The following MRS2 variants were observed in gnomAD, a reference collection of about 807,000 sequenced individuals.
The protein encoded by MRS2 is magnesium transporter MRS2 homolog, mitochondrial.
Under a neutral mutation model 52.6 loss-of-function variants are expected in MRS2, and 40 were observed. The observed-to-expected ratio is 0.76, with a 90% CI of 0.59 to 0.99. The LOEUF (loss-of-function observed/expected upper bound fraction) is 0.99, where lower values mean the gene tolerates loss of function less well. Among genes scored for constraint, MRS2 ranks in the 50% least tolerant of loss-of-function variants. The pLI is 0.00. For missense variants in MRS2, 472 were observed against 532.7 expected (o/e 0.89, Z 1.12); for synonymous variants, 193 against 195.9 (o/e 0.98, Z 0.13).
intron 6 of MRS2, among the ~76,000 whole-genome samples, 175 bp downstream of exon 6, chr6:24,415,338 T>C (rs1450485272): frequency 2.6e-5 from 4 of 152,218 alleles, no homozygotes; most frequent in Non-Finnish European, 4.4e-5. Flanking sequence ...TGAAATGTCA[T>C]GTAAGGCTCT....
chr6:24,415,830 G>A (rs1385374733), intron 6 of MRS2, among the ~76,000 whole-genome samples: 1 of 152,186 alleles, frequency 6.6e-6, no homozygotes, highest in Non-Finnish European at 1.5e-5. Context: ...ATTTAGATCT[G>A]GTTTGGGTTT....
chr6:24,422,194 TG>T (rs1296258982), intron 9 of MRS2, among the ~76,000 whole-genome samples: 12 of 152,172 alleles, frequency 7.9e-5, no homozygotes, highest in Non-Finnish European at 1.8e-4. Context: ...ATAAGTGACA[TG>T]CATTTCCATC....
intron 9 of MRS2, among the ~76,000 whole-genome samples, chr6:24,421,875 G>A (rs565115227): frequency 2.0e-5 from 3 of 152,264 alleles, no homozygotes; most frequent in East Asian, 1.9e-4. Context: ...AGGACTGGGG[G>A]TTGTGGTTCA....
At position 24,415,131 on chromosome 6, in the gene MRS2, C is replaced by A; in HGVS notation, c.687C>A (p.Ser229Arg). 6.2e-7 allele frequency: 1 copy of A among 1,604,724 alleles called. No individual in the cohort carries two copies. The highest frequency in any genetic ancestry group is 1.1e-5 in the South Asian group (1 of 89,904). The change falls in exon 6 of 11, where the codon AGC (serine) becomes AGA (arginine). Residue 229 changes from serine to arginine, a missense_variant. Coordinates refer to ENST00000378386, the MANE Select transcript of MRS2 (RefSeq NM_020662.4). ...CCAAACATTCTTCTGTAGACAGAAG[C>A]AAACTGCACATTTTACTACAGAATG... ...VDPKHSSVDR[S>R]KLHILLQNGK... is the part of the protein sequence containing the mutation.
chr6:24,418,893 T>C (rs186368571), intron 9 of MRS2: 2,347 of 183,804 alleles, frequency 0.013, 35 homozygotes, highest in Non-Finnish European at 0.02. Flanking sequence ...AGTGAGACTC[T>C]GTCTCCAAAA....
rs752776214 is a variant in MRS2 at position 24,405,127 on chromosome 6, C to A, written c.191-41C>A. ...TTGTATTTTAGCTCTATGTGAAAAC[C>A]AATCATGTGACCACAGGAATTCTCT... On this transcript the variant is annotated intron_variant, in intron 1 of 10. Transcript: ENST00000378386. The A allele has an allele frequency of 4.1e-6, 6 of 1,467,236 alleles. 1 individual carries two copies. In the African/African-American group the frequency reaches 5.6e-5, roughly 14 times the overall value. 90.9% of individuals were successfully genotyped at this position (1,467,236 alleles called of 1,614,324 possible). A position where few individuals can be genotyped will look rare whatever the true frequency, so the allele number is the denominator to read the frequency against.
Position 24,423,022 on chromosome 6 carries a change from G to A in MRS2, c.1193G>A (p.Arg398Gln), listed in dbSNP as rs150697747. The A allele has an allele frequency of 5.0e-6, 8 of 1,613,948 alleles. No homozygotes were observed. The highest frequency in any genetic ancestry group is 3.3e-4 in the Middle Eastern group (2 of 6,062). The change falls in exon 10 of 11, where the codon CGA (arginine) becomes CAA (glutamine). Residue 398 changes from arginine (R) to glutamine (Q), a missense_variant. Coordinates refer to ENST00000378386, the MANE Select transcript of MRS2 (RefSeq NM_020662.4). ...AGGCGCCTGCTTTCATTCCTTGGAC[G>A]ACAGCTAGAAGCTCCATTGCCTCCT... ...IWRRLLSFLGRQLEAPLPPMM... is the reference protein window; with the variant it reads ...IWRRLLSFLGQQLEAPLPPMM...
chr6:24,417,690 T>TC (rs199589729), intron 7 of MRS2, among the ~76,000 whole-genome samples: 3,703 of 152,272 alleles, frequency 0.024, 60 homozygotes, highest in Non-Finnish European at 0.038. Context: ...ATGCCTGTAA[T>TC]CCCAGCACTT....
intron 5 of MRS2, among the ~76,000 whole-genome samples, chr6:24,414,567 A>G (rs914018471): frequency 2.6e-5 from 4 of 152,152 alleles, no homozygotes; most frequent in Non-Finnish European, 5.9e-5. Flanking sequence ...CAGACACAGT[A>G]ACAATCTGAT....
At chr6:24,406,123 G>T (rs546366630) in intron 2 of MRS2, among the ~76,000 whole-genome samples, 7 of 148,222 alleles carry the variant, frequency 4.7e-5, no homozygotes, top group Non-Finnish European at 4.5e-5. Flanking sequence ...AAAAAAAAAG[G>T]TGTGCCTATT....
rs538600527 is a variant in MRS2, at chr6:24,417,706, A to G, written c.837-378A>G. On this transcript the variant is annotated intron_variant, in intron 7 of 10. Transcript: ENST00000378386. Reference sequence around the variant, plus strand: ...TGCCTGTAATCCCAGCACTTTGGGAAGCCGAGGCAGGCAGATCACAAGGTC... The same window carrying G: ...TGCCTGTAATCCCAGCACTTTGGGAGGCCGAGGCAGGCAGATCACAAGGTC... Among the ~76,000 whole-genome samples, 349 of 152,234 alleles carry G rather than the reference A, an allele frequency of 2.3e-3. 1 individual carries two copies. Among genetic ancestry groups the G allele is most frequent in the African/African-American group, 7.9e-3 (327 of 41,514 alleles).
chr6:24,408,499 A>G, intron 3 of MRS2, 55 bp downstream of exon 3: 2 of 1,177,960 alleles, frequency 1.7e-6, no homozygotes, highest in South Asian at 1.3e-5. Flanking sequence ...TGAATCTGAT[A>G]GAAATCAAGA....
chr6:24,418,709 G>T, intron 9 of MRS2, 131 bp downstream of exon 9: 11 of 661,612 alleles, frequency 1.7e-5, no homozygotes, highest in Non-Finnish European at 2.7e-6. Context: ...GACCAACCTG[G>T]CCAACATGGC....
In MRS2 at chr6:24,426,065, A is replaced by G. The variant is rs1049904335; in HGVS notation, c.*2371A>G. The stretch of plus-strand genomic sequence containing the variant: ...TCTCTTAGGTCTGTGATACAAAGGC[A>G]TAAAACAATTCCTATCTTGAAGCCT... On this transcript the variant is annotated 3_prime_UTR_variant, in exon 11 of 11. Transcript: ENST00000378386. 6.6e-6 allele frequency: 1 copy of G among 152,246 alleles called. No individual in the cohort carries two copies. The highest frequency in any genetic ancestry group is 1.5e-5 in the Non-Finnish European group (1 of 68,046). The allele number at this position is 152,246 out of a possible 1,614,324, so 9.4% of individuals were successfully genotyped here.
chr6:24,417,802 C>T (rs764532469), intron 7 of MRS2, among the ~76,000 whole-genome samples: 5 of 151,980 alleles, frequency 3.3e-5, no homozygotes, highest in South Asian at 2.1e-4. Context: ...ATTAGCTGGG[C>T]GTGGTGGCGG....
Position 24,412,202 on chromosome 6 carries a change from GGT to G in MRS2, c.415-19_415-18del. ...ATACACTCACATATTTATATGTTTT[GGT>G]TTTTTTTTTTTTAACAGTATTTGAA... is the stretch of plus-strand genomic sequence containing the variant. On this transcript the variant is annotated intron_variant, in intron 4 of 10. Transcript: ENST00000378386. The G allele has an allele frequency of 8.2e-7, 1 of 1,226,220 alleles. No homozygotes were observed. 76.0% of individuals were successfully genotyped at this position (1,226,220 alleles called of 1,614,324 possible). A position where few individuals can be genotyped will look rare whatever the true frequency, so the allele number is the denominator to read the frequency against.
In MRS2 at chr6:24,405,863, T is replaced by G. The variant is rs1032632171; in HGVS notation, c.264+622T>G. The stretch of plus-strand genomic sequence containing the variant: ...GCTCACGCCTGTAATTCCAACACTT[T>G]GGGAGGCCGAGGTGGGCAGATCATG... On this transcript the variant is annotated intron_variant, in intron 2 of 10. Transcript: ENST00000378386. Among the ~76,000 whole-genome samples the G allele has an allele frequency of 1.2e-3, 187 of 150,928 alleles. 2 individuals are homozygous for G. Among genetic ancestry groups the G allele is most frequent in the Admixed American group, 1.4e-3 (21 of 15,170 alleles).
At chr6:24,404,882 C>G (rs1286185617) in intron 1 of MRS2, among the ~76,000 whole-genome samples, 1 of 152,192 alleles carries the variant, frequency 6.6e-6, no homozygotes, top group African/African-American at 2.4e-5. Context: ...GTTCATCCAA[C>G]TCTGAGATAT....
At chr6:24,410,747 A>G (rs1413276419) in intron 4 of MRS2, 1 of 1,532,590 alleles carries the variant, frequency 6.5e-7, no homozygotes, top group East Asian at 2.4e-5. Flanking sequence ...TACTCTTGGA[A>G]TCAGTAGCTA....
Sources: allele counts gnomAD v4.1 joint callset (sites outside exome capture counted in the v4.1 genomes callset), GRCh38; gene constraint gnomAD v4.1.1; transcripts MANE v1.5; gene names NCBI Gene and HGNC (gene_info 2026-07-23, HGNC 2026-07-21).